The following CDK8 variants were observed in gnomAD, a reference collection of about 807,000 sequenced individuals.
CDK8 encodes the protein cyclin-dependent kinase 8.
Under a neutral mutation model 71.5 loss-of-function variants are expected in CDK8, and 29 were observed. The ratio of observed to expected loss-of-function variants is 0.41; its 90% CI spans 0.30 to 0.55. The LOEUF is 0.55. Among genes scored for constraint, CDK8 ranks in the 20% least tolerant of loss-of-function variants. CDK8 has a pLI of 0.37. For missense variants in CDK8, 288 were observed against 572.6 expected (o/e 0.50, Z 5.07); for synonymous variants, 161 against 192.1 (o/e 0.84, Z 1.34).
chr13:26,320,808 A>G (rs575542767), intron 1 of CDK8, among the ~76,000 whole-genome samples: 3 of 152,324 alleles, frequency 2.0e-5, no homozygotes, highest in East Asian at 3.9e-4. Context: ...TACAAATCAA[A>G]ACTACAGTGA....
At chr13:26,383,910 A>G (rs1223761680) in intron 5 of CDK8, among the ~76,000 whole-genome samples, 2 of 152,212 alleles carry the variant, frequency 1.3e-5, no homozygotes, top group Non-Finnish European at 2.9e-5. Context: ...AGTGCCTTCC[A>G]AAATGCCTGT....
intron 1 of CDK8, among the ~76,000 whole-genome samples, chr13:26,274,924 T>C (rs1872505417): frequency 6.6e-6 from 1 of 152,228 alleles, no homozygotes; most frequent in Admixed American, 6.5e-5. Flanking sequence ...TTTCACCTAA[T>C]GTTTTTATGG....
intron 6 of CDK8, among the ~76,000 whole-genome samples, chr13:26,391,015 A>C (rs755960): frequency 0.35 from 53,151 of 150,324 alleles, 9,571 homozygotes; most frequent in East Asian, 0.53. Flanking sequence ...AAAAAAAAAA[A>C]AACAAGGTAG....
At chr13:26,356,201 A>T (rs1185262606) in intron 4 of CDK8, among the ~76,000 whole-genome samples, 1 of 152,186 alleles carries the variant, frequency 6.6e-6, no homozygotes, top group Admixed American at 6.5e-5. Flanking sequence ...GATGATTTAA[A>T]AATAATAATA....
At chr13:26,301,212 CTT>C (rs36054795) in intron 1 of CDK8, among the ~76,000 whole-genome samples, 5,702 of 92,968 alleles carry the variant, frequency 0.061, 204 homozygotes, top group African/African-American at 0.21. Context: ...TATCAGTAGA[CTT>C]TTTTTTTTTT....
intron 1 of CDK8, among the ~76,000 whole-genome samples, chr13:26,294,953 T>C (rs1873476290): frequency 6.6e-6 from 1 of 152,148 alleles, no homozygotes; most frequent in Non-Finnish European, 1.5e-5. Flanking sequence ...TTTCACCATG[T>C]TGGCCAGGAT....
Position 26,397,180 on chromosome 13 carries a change from T to C in CDK8, c.888T>C (p.Tyr296=). Residue 296 remains tyrosine, a synonymous_variant, in exon 9 of 13, where the codon TAT becomes TAC. Transcript: ENST00000381527. ...NTYTNCSLIK[Y]MEKHKVKPDS... Reference sequence around the variant, plus strand: ...ATACCAACTGCAGCCTTATCAAGTATATGGAAAAACATAAAGTTAAACCAG... The same window carrying C: ...ATACCAACTGCAGCCTTATCAAGTACATGGAAAAACATAAAGTTAAACCAG... 1 of 1,595,494 alleles carries C rather than the reference T, an allele frequency of 6.3e-7. No homozygotes were observed. Among genetic ancestry groups the C allele is most frequent in the South Asian group, 1.1e-5 (1 of 90,174 alleles).
intron 1 of CDK8, among the ~76,000 whole-genome samples, chr13:26,296,810 T>G (rs556969935): frequency 6.6e-6 from 1 of 152,330 alleles, no homozygotes; most frequent in Admixed American, 6.5e-5. Flanking sequence ...CTGTCTTTAC[T>G]GTTAGGTCTA....
chr13:26,317,588 G>T (rs376563157), intron 1 of CDK8, among the ~76,000 whole-genome samples: 1 of 152,124 alleles, frequency 6.6e-6, no homozygotes, highest in African/African-American at 2.4e-5. Flanking sequence ...ATCATACAAA[G>T]TGTATTCTCC....
chr13:26,344,588 AACCTTGTCTCT>A (rs1873382093), intron 2 of CDK8, among the ~76,000 whole-genome samples: 1 of 152,152 alleles, frequency 6.6e-6, no homozygotes, highest in Non-Finnish European at 1.5e-5. Flanking sequence ...AACATGGCGA[AACCTTGTCTCT>A]ACCAAAAAAA....
At chr13:26,256,503 C>T (rs1871530643) in intron 1 of CDK8, among the ~76,000 whole-genome samples, 1 of 152,030 alleles carries the variant, frequency 6.6e-6, no homozygotes, top group Admixed American at 6.5e-5. Context: ...TGAGAGAAGC[C>T]GGTTCTGTTT....
intron 1 of CDK8, among the ~76,000 whole-genome samples, chr13:26,309,219 A>G (rs1357533554): frequency 6.6e-6 from 1 of 151,450 alleles, no homozygotes; most frequent in African/African-American, 2.4e-5. Flanking sequence ...AGCTCACTGC[A>G]AGCTCCGCCT....
At chr13:26,286,157 C>G (rs1873009428) in intron 1 of CDK8, among the ~76,000 whole-genome samples, 1 of 152,140 alleles carries the variant, frequency 6.6e-6, no homozygotes, top group Non-Finnish European at 1.5e-5. Context: ...CTAGAAAAAA[C>G]AATCCTGAAG....
At chr13:26,256,762 G>T (rs1871542546) in intron 1 of CDK8, among the ~76,000 whole-genome samples, 1 of 152,034 alleles carries the variant, frequency 6.6e-6, no homozygotes, top group Non-Finnish European at 1.5e-5. Flanking sequence ...AAGTAACATT[G>T]CATTTTGGAA....
chr13:26,296,811 G>C (rs1873581707), intron 1 of CDK8, among the ~76,000 whole-genome samples: 1 of 152,146 alleles, frequency 6.6e-6, no homozygotes, highest in Non-Finnish European at 1.5e-5. Context: ...TGTCTTTACT[G>C]TTAGGTCTAT....
intron 1 of CDK8, among the ~76,000 whole-genome samples, chr13:26,315,360 A>T (rs952689091): frequency 2.6e-5 from 4 of 152,240 alleles, no homozygotes; most frequent in Non-Finnish European, 4.4e-5. Context: ...CTGACAGCTT[A>T]TGTCTCTGTT....
At chr13:26,321,013 G>T (rs1390763675) in intron 1 of CDK8, among the ~76,000 whole-genome samples, 1 of 152,070 alleles carries the variant, frequency 6.6e-6, no homozygotes, top group Non-Finnish European at 1.5e-5. Flanking sequence ...CCACTTCTGG[G>T]TATATACCCA....
intron 2 of CDK8, among the ~76,000 whole-genome samples, chr13:26,345,682 C>T (rs770653614): frequency 7.2e-5 from 11 of 152,046 alleles, no homozygotes; most frequent in African/African-American, 1.9e-4. Flanking sequence ...TGTGCCTGGC[C>T]GCTAATTTTT....
intron 1 of CDK8, among the ~76,000 whole-genome samples, chr13:26,297,939 C>CTCTCGCTATATCCTT (rs1873637056): frequency 1.3e-5 from 2 of 152,128 alleles, no homozygotes; most frequent in Non-Finnish European, 2.9e-5. Flanking sequence ...TCGCTATATC[C>CTCTCGCTATATCCTT]TCACTTGGTG....
Sources: gnomAD v4.1 joint callset for allele counts (sites outside exome capture counted in the v4.1 genomes callset) on GRCh38, gnomAD v4.1.1 for gene constraint, MANE v1.5 for transcripts, NCBI Gene and HGNC (gene_info 2026-07-23, HGNC 2026-07-21) for gene names.